Variants in SLC24A2 observed in about 807,000 individuals in gnomAD.
SLC24A2 encodes solute carrier family 24 member 2.
Under a neutral mutation model 62.0 loss-of-function variants are expected in SLC24A2, and 36 were observed. That is an observed-to-expected ratio of 0.58 (90% CI 0.44 to 0.77). The LOEUF is 0.77. Among genes scored for constraint, SLC24A2 ranks in the 30% least tolerant of loss-of-function variants. The pLI, the probability that SLC24A2 is intolerant of heterozygous loss-of-function variation, is 0.00. For synonymous variants in SLC24A2, 358 were observed against 294.0 expected, an observed-to-expected ratio of 1.22 and a Z score of -2.23; for missense variants, 846 against 817.9, an observed-to-expected ratio of 1.03 and a Z score of -0.42.
At chr9:20,269,474 T>G in the SLC24A2 span, among the ~76,000 whole-genome samples, 1 of 152,136 alleles carries the variant, frequency 6.6e-6, no homozygotes, top group Non-Finnish European at 1.5e-5. Context: ...AAGTAAAAGC[T>G]TCAAAGGCAG....
At chr9:20,105,486 A>T in the SLC24A2 span, among the ~76,000 whole-genome samples, 1 of 151,918 alleles carries the variant, frequency 6.6e-6, no homozygotes. Flanking sequence ...AACAGAAATT[A>T]TAACAAACTG....
the SLC24A2 span, among the ~76,000 whole-genome samples, chr9:20,203,614 C>G: frequency 6.6e-6 from 1 of 151,966 alleles, no homozygotes; most frequent in African/African-American, 2.4e-5. Flanking sequence ...GAGGCCAAGG[C>G]CAAAGGGTCG....
At chr9:20,165,949 A>C in the SLC24A2 span, among the ~76,000 whole-genome samples, 1 of 151,964 alleles carries the variant, frequency 6.6e-6, no homozygotes, top group South Asian at 2.1e-4. Flanking sequence ...AGGGGGATGG[A>C]AACATGAGAC....
At chr9:20,081,082 G>T in the SLC24A2 span, among the ~76,000 whole-genome samples, 1 of 152,168 alleles carries the variant, frequency 6.6e-6, no homozygotes, top group Non-Finnish European at 1.5e-5. Context: ...ATTCCTCAGG[G>T]ATCTAGAACT....
chr9:20,234,897 G>T, the SLC24A2 span, among the ~76,000 whole-genome samples: 1 of 152,134 alleles, frequency 6.6e-6, no homozygotes. Context: ...CGTACAGATG[G>T]GTTTTTGGTG....
At chr9:20,231,195 T>G in the SLC24A2 span, among the ~76,000 whole-genome samples, 1 of 152,220 alleles carries the variant, frequency 6.6e-6, no homozygotes, top group African/African-American at 2.4e-5. Context: ...TCTTTTGGCT[T>G]AAGATTGACT....
At chr9:19,832,722 A>G in the SLC24A2 span, among the ~76,000 whole-genome samples, 1 of 152,242 alleles carries the variant, frequency 6.6e-6, no homozygotes, top group Non-Finnish European at 1.5e-5. Context: ...AATGGCAACC[A>G]AAGCCAAAAC....
chr9:19,907,565 T>C, the SLC24A2 span, among the ~76,000 whole-genome samples: 1 of 152,204 alleles, frequency 6.6e-6, no homozygotes, highest in Admixed American at 6.5e-5. Context: ...CATGATTGTA[T>C]ATCTAGAAAA....
At chr9:20,260,814 C>T in the SLC24A2 span, among the ~76,000 whole-genome samples, 4 of 150,094 alleles carry the variant, frequency 2.7e-5, no homozygotes, top group Non-Finnish European at 4.4e-5. Context: ...CTCACCCTTT[C>T]CTCCGAGTCC....
chr9:20,024,302 C>A, the SLC24A2 span, among the ~76,000 whole-genome samples: 3 of 152,154 alleles, frequency 2.0e-5, no homozygotes, highest in African/African-American at 7.2e-5. Flanking sequence ...TTGCAAGAGA[C>A]CTCACAAAGG....
the SLC24A2 span, among the ~76,000 whole-genome samples, chr9:20,070,354 G>T: frequency 5.3e-5 from 8 of 152,264 alleles, 1 homozygote; most frequent in South Asian, 1.7e-3. Flanking sequence ...CAAGGTAGTG[G>T]CTGGCAATTG....
At chr9:19,729,636 C>T (rs560227546) in intron 2 of SLC24A2, among the ~76,000 whole-genome samples, 81 of 151,822 alleles carry the variant, frequency 5.3e-4, no homozygotes, top group African/African-American at 1.5e-3. Flanking sequence ...CATGTTCTCA[C>T]GCATATGTAG....
intron 2 of SLC24A2, among the ~76,000 whole-genome samples, 153 bp from the exon 3 acceptor site, chr9:19,622,452 G>A (rs920736856): frequency 1.3e-5 from 2 of 152,186 alleles, no homozygotes; most frequent in Non-Finnish European, 2.9e-5. Flanking sequence ...GGGGACTAAG[G>A]ATGTATATTT....
At chr9:20,008,174 G>A in the SLC24A2 span, among the ~76,000 whole-genome samples, 2 of 151,980 alleles carry the variant, frequency 1.3e-5, no homozygotes, top group South Asian at 4.2e-4. Context: ...GAGATTACAG[G>A]CTTAAGCCAC....
Position 19,512,322 on chromosome 9 carries a change from C to T in SLC24A2, c.*3831G>A, listed in dbSNP as rs1251413855. 1.3e-5 allele frequency: 2 copies of T among 152,222 alleles called. No individual in the cohort carries two copies. The highest frequency in any genetic ancestry group is 2.9e-5 in the Non-Finnish European group (2 of 68,044). 9.4% of individuals were successfully genotyped at this position (152,222 alleles called of 1,614,324 possible). A position where few individuals can be genotyped will look rare whatever the true frequency, so the allele number is the denominator to read the frequency against. On this transcript the variant is annotated 3_prime_UTR_variant, in exon 11 of 11. Transcript: ENST00000341998. ...CTTGTCAGGTGACACCTGTTAGAAG[C>T]CTTACAAAGCATTTTTCCTGAATAT...
At chr9:20,304,941 C>T in the SLC24A2 span, among the ~76,000 whole-genome samples, 1 of 151,920 alleles carries the variant, frequency 6.6e-6, no homozygotes, top group Admixed American at 6.6e-5. Context: ...TCCACCAGCC[C>T]ACAATGAGTC....
At chr9:19,568,895 C>G (rs1026524965) in intron 7 of SLC24A2, among the ~76,000 whole-genome samples, 8 of 152,178 alleles carry the variant, frequency 5.3e-5, no homozygotes, top group Non-Finnish European at 1.0e-4. Flanking sequence ...AGTAACATGA[C>G]TAGTTATTTG....
chr9:19,751,402 AT>A (rs1371295519), intron 2 of SLC24A2, among the ~76,000 whole-genome samples: 1 of 152,060 alleles, frequency 6.6e-6, no homozygotes, highest in African/African-American at 2.4e-5. Flanking sequence ...ACCTGAGAAT[AT>A]TTTTTCAAAA....
At chr9:20,273,139 A>G in the SLC24A2 span, among the ~76,000 whole-genome samples, 1 of 152,188 alleles carries the variant, frequency 6.6e-6, no homozygotes, top group Non-Finnish European at 1.5e-5. Context: ...CTTGTCCCTG[A>G]TGGAGCACAG....
Sources: allele counts gnomAD v4.1 joint callset (sites outside exome capture counted in the v4.1 genomes callset), GRCh38; gene constraint gnomAD v4.1.1; transcripts MANE v1.5; gene names NCBI Gene and HGNC (gene_info 2026-07-23, HGNC 2026-07-21).